PEAK1: variants seen among roughly 807,000 people sequenced by gnomAD.
PEAK1 encodes inactive tyrosine-protein kinase PEAK1.
A neutral mutation model predicts 124.7 loss-of-function variants in PEAK1; 54 were observed. That is an observed-to-expected ratio of 0.43 (90% CI 0.35 to 0.54). The LOEUF (loss-of-function observed/expected upper bound fraction) is 0.54, where lower values mean the gene tolerates loss of function less well. Among genes scored for constraint, PEAK1 ranks in the 20% least tolerant of loss-of-function variants. The pLI, the probability that PEAK1 is intolerant of heterozygous loss-of-function variation, is 0.01. For synonymous variants in PEAK1, 719 were observed against 760.0 expected, an observed-to-expected ratio of 0.95 and a Z score of 0.89; for missense variants, 2,046 against 2,134.5, an observed-to-expected ratio of 0.96 and a Z score of 0.82.
chr15:77,258,301 T>G (rs2061269605), intron 5 of PEAK1, among the ~76,000 whole-genome samples: 2 of 152,200 alleles, frequency 1.3e-5, no homozygotes, highest in Admixed American at 1.3e-4. Flanking sequence ...GCATTGAATC[T>G]ATAAATTACC....
chr15:77,313,654 G>GTA (rs1403212610), intron 2 of PEAK1, among the ~76,000 whole-genome samples: 1,470 of 94,740 alleles, frequency 0.016, 16 homozygotes, highest in African/African-American at 0.057. Context: ...ATGTATGTAT[G>GTA]TGTGTGTGTG....
chr15:77,202,996 C>T (rs1337347346), intron 6 of PEAK1, among the ~76,000 whole-genome samples: 2 of 148,730 alleles, frequency 1.3e-5, no homozygotes, highest in African/African-American at 5.0e-5. Context: ...ATGATCATAC[C>T]ATTGCACTCC....
downstream of PEAK1, chr15:77,107,296 C>CCTT (rs1205066125): frequency 3.3e-5 from 5 of 152,272 alleles, no homozygotes; most frequent in African/African-American, 4.8e-5. Context: ...TGCTGTTGAC[C>CCTT]CTTCCTCCTG....
chr15:77,327,848 C>T (rs1035196247), intron 2 of PEAK1, among the ~76,000 whole-genome samples: 2 of 151,850 alleles, frequency 1.3e-5, no homozygotes, highest in Non-Finnish European at 2.9e-5. Flanking sequence ...AAGATACTCA[C>T]ATTTTGAAGA....
At chr15:77,401,541 TTG>T in intron 1 of PEAK1, 1 of 975,584 alleles carries the variant, frequency 1.0e-6, no homozygotes, top group Admixed American at 6.1e-5. Flanking sequence ...CACATTTCTT[TTG>T]TTTCTTAAAA....
rs1338411236 is a variant in PEAK1 at position 77,141,221 on chromosome 15, A to G, written c.3332-7471T>C. Among the ~76,000 whole-genome samples, 5 of 152,232 alleles carry G rather than the reference A, an allele frequency of 3.3e-5. No homozygotes were observed. In the East Asian group the frequency reaches 9.6e-4, roughly 29 times the overall value. ...TTTACAGGATACAAGATCAACATACAAAAACCAATTCATTTCTATACATTA... is the reference window on the plus strand; with the variant it reads ...TTTACAGGATACAAGATCAACATACGAAAACCAATTCATTTCTATACATTA... On this transcript the variant is annotated intron_variant, in intron 8 of 9. Coordinates refer to ENST00000682557, the MANE Select transcript of PEAK1 (RefSeq NM_001385026.1).
intron 9 of PEAK1, 46 bp from the exon 10 acceptor site, chr15:77,115,365 G>C (rs187083986): frequency 1.3e-6 from 2 of 1,521,536 alleles, no homozygotes; most frequent in East Asian, 4.6e-5. Flanking sequence ...TCATAACCAG[G>C]TTTATGATGT....
At chr15:77,362,148 T>C (rs1229235353) in intron 2 of PEAK1, among the ~76,000 whole-genome samples, 1 of 152,126 alleles carries the variant, frequency 6.6e-6, no homozygotes, top group African/African-American at 2.4e-5. Context: ...TAGTTTCAAA[T>C]AGCTAGGAAG....
exon 7 of PEAK1, chr15:77,102,664 C>A (rs2050705852): frequency 6.6e-6 from 1 of 152,152 alleles, no homozygotes. Flanking sequence ...ATAGTGATGT[C>A]TTACTTATCC....
At chr15:77,335,463 C>G in intron 2 of PEAK1, 1 of 985,322 alleles carries the variant, frequency 1.0e-6, no homozygotes. Flanking sequence ...ATTCTTATCA[C>G]TATACATCAC....
intron 2 of PEAK1, among the ~76,000 whole-genome samples, chr15:77,298,221 TTTTTTTTTTTTTTTTGA>T (rs2063608819): frequency 1.4e-5 from 1 of 69,268 alleles, no homozygotes; most frequent in East Asian, 4.2e-4. Context: ...TTTTTTTTTT[TTTTTTTTTTTTTTTTGA>T]GAGGTAGTCT....
chr15:77,172,212 T>C (rs891717070), intron 7 of PEAK1, among the ~76,000 whole-genome samples: 1 of 152,212 alleles, frequency 6.6e-6, no homozygotes, highest in Non-Finnish European at 1.5e-5. Flanking sequence ...ATTTTACTCA[T>C]GTATAATTTT....
chr15:77,140,066 T>C (rs1385695021), intron 8 of PEAK1, among the ~76,000 whole-genome samples: 8 of 152,136 alleles, frequency 5.3e-5, no homozygotes, highest in Non-Finnish European at 1.2e-4. Flanking sequence ...ATTGTATAGA[T>C]ATCTATAATA....
In PEAK1 at chr15:77,133,168, C is replaced by T. The variant is rs781290090; in HGVS notation, c.3914G>A (p.Cys1305Tyr). 16 of 1,614,096 alleles carry T rather than the reference C, an allele frequency of 9.9e-6. No homozygotes were observed. The Middle Eastern group carries it at 4.9e-4, about 50-fold the overall frequency. Reference sequence around the variant, plus strand: ...CTGCCCAGCCATGAAAAGGTCTTCGCATTTAACAGCCAGTTTCTTCAAGGC... The same window carrying T: ...CTGCCCAGCCATGAAAAGGTCTTCGTATTTAACAGCCAGTTTCTTCAAGGC... The part of the protein sequence containing the change: ...TDALKKLAVK[C>Y]EDLFMAGQKD... Residue 1305 changes from cysteine (C) to tyrosine (Y), a missense_variant, in exon 9 of 10, where the codon TGC (cysteine) becomes TAC (tyrosine). Physicochemically the swap from Cys to Tyr is radical, Grantham distance 194 (BLOSUM62 -2). Coordinates refer to ENST00000682557, the MANE Select transcript of PEAK1 (RefSeq NM_001385026.1). The surrounding 1 kb of genome is among the most constrained non-coding windows in gnomAD (Gnocchi z 4.2).
At chr15:77,262,892 T>C (rs1313690437) in intron 5 of PEAK1, among the ~76,000 whole-genome samples, 1 of 152,104 alleles carries the variant, frequency 6.6e-6, no homozygotes, top group East Asian at 1.9e-4. Flanking sequence ...ACAGAAATTA[T>C]AACAAACTGT....
At position 77,256,367 on chromosome 15, in the gene PEAK1, T is replaced by C. The variant is rs900122182; in HGVS notation, c.-274-3841A>G. On this transcript the variant is annotated intron_variant, in intron 5 of 9. Coordinates refer to ENST00000682557, the MANE Select transcript of PEAK1 (RefSeq NM_001385026.1). ...ACAGGCTAAAATTGGTGTGATCTTATTTACTCTGCTATTTAACTTAATAGT... is the reference window on the plus strand; with the variant it reads ...ACAGGCTAAAATTGGTGTGATCTTACTTACTCTGCTATTTAACTTAATAGT... Among the ~76,000 whole-genome samples the C allele has an allele frequency of 2.0e-5, 3 of 152,040 alleles. No homozygotes were observed. In the South Asian group the frequency reaches 6.2e-4, roughly 32 times the overall value.
chr15:77,371,413 T>G (rs892382190), intron 1 of PEAK1: 2 of 970,524 alleles, frequency 2.1e-6, no homozygotes, highest in Non-Finnish European at 2.4e-6. Context: ...ATCAAAAAAC[T>G]TAAAACAATT....
chr15:77,191,674 A>G (rs1364533844), intron 6 of PEAK1, among the ~76,000 whole-genome samples: 1 of 152,214 alleles, frequency 6.6e-6, no homozygotes, highest in Non-Finnish European at 1.5e-5. Flanking sequence ...ATCAGGAAGG[A>G]GTTGCTGAGC....
intron 8 of PEAK1, among the ~76,000 whole-genome samples, chr15:77,134,006 G>C (rs535161269): frequency 2.0e-5 from 3 of 152,294 alleles, no homozygotes; most frequent in Non-Finnish European, 4.4e-5. Flanking sequence ...TTTGGGTGAT[G>C]AGTTTTGTTT....
Sources: gnomAD v4.1 joint callset for allele counts (sites outside exome capture counted in the v4.1 genomes callset) on GRCh38, gnomAD v4.1.1 for gene constraint, Gnocchi (gnomAD v3.1) non-coding constraint, MANE v1.5 for transcripts, NCBI Gene and HGNC (gene_info 2026-07-23, HGNC 2026-07-21) for gene names.